Variants in MLLT10 observed in about 807,000 individuals in gnomAD.
MLLT10 encodes the protein protein AF-10.
Under a neutral mutation model 129.1 loss-of-function variants are expected in MLLT10, and 30 were observed. The observed-to-expected ratio is 0.23, with a 90% CI of 0.17 to 0.32. MLLT10 has a LOEUF of 0.32. MLLT10 is among the 10% of genes least tolerant of loss of function. The pLI, the probability that MLLT10 is intolerant of heterozygous loss-of-function variation, is 1.00. For missense variants in MLLT10, 1,119 were observed against 1,268.3 expected (o/e 0.88, Z 1.79); for synonymous variants, 490 against 446.4 (o/e 1.10, Z -1.23).
intron 9 of MLLT10, 135 bp downstream of exon 9, chr10:21,651,903 CTTTTTT>C (rs775460288): frequency 7.3e-4 from 97 of 133,680 alleles, no homozygotes; most frequent in East Asian, 8.7e-4. Flanking sequence ...ATTCTCATTT[CTTTTTT>C]TTTTTTTTTT....
At chr10:21,730,063 T>G (rs181818141) in intron 16 of MLLT10, among the ~76,000 whole-genome samples, 2 of 151,226 alleles carry the variant, frequency 1.3e-5, no homozygotes, top group East Asian at 3.9e-4. Flanking sequence ...AGCCCAGGAG[T>G]TGGAGACTAA....
intron 9 of MLLT10, among the ~76,000 whole-genome samples, chr10:21,667,449 A>T (rs1589531644): frequency 7.3e-6 from 1 of 136,688 alleles, no homozygotes; most frequent in Non-Finnish European, 1.6e-5. Flanking sequence ...GTTTGTTTTG[A>T]TCCTCCCATT....
chr10:21,668,989 A>G (rs1246862845), intron 9 of MLLT10: 1 of 1,369,188 alleles, frequency 7.3e-7, no homozygotes, highest in Non-Finnish European at 9.6e-7. Context: ...AAAGTATTTG[A>G]AAAATGAGGT....
rs11461905 is a variant in MLLT10, at chr10:21,551,289, C to CTTT, written c.240+12402_240+12404dup. On this transcript the variant is annotated intron_variant, in intron 3 of 22. Transcript: ENST00000307729. ...GTGCCAAAAAGTACTCGGATTGTACCTTTTTTTTTTTTTTTTTTTTTTTTT... is the reference window on the plus strand; with the variant it reads ...GTGCCAAAAAGTACTCGGATTGTACCTTTTTTTTTTTTTTTTTTTTTTTTTTTT... Among the ~76,000 whole-genome samples the CTTT allele has an allele frequency of 2.1e-3, 196 of 91,960 alleles. 9 individuals are homozygous for CTTT. The highest frequency in any genetic ancestry group is 9.7e-3 in the African/African-American group (175 of 18,040). The allele number at this position is 91,960 out of a possible 152,430, so 60.3% of individuals were successfully genotyped here.
intron 14 of MLLT10, among the ~76,000 whole-genome samples, chr10:21,721,968 G>T (rs2057165013): frequency 6.6e-6 from 1 of 151,670 alleles, no homozygotes; most frequent in South Asian, 2.1e-4. Context: ...TATTGGTCTT[G>T]GGAAAGGGGA....
intron 8 of MLLT10, among the ~76,000 whole-genome samples, chr10:21,641,621 C>T (rs1017775045): frequency 1.3e-5 from 2 of 152,164 alleles, no homozygotes; most frequent in African/African-American, 2.4e-5. Flanking sequence ...TACCACTGCA[C>T]TCCAGCCTGG....
Position 21,534,694 on chromosome 10 carries a change from G to A in MLLT10, c.50G>A (p.Ser17Asn), listed in dbSNP as rs754123246. Residue 17 changes from serine (S) to asparagine (N), a missense_variant, in exon 2 of 23, where the codon AGT (serine) becomes AAT (asparagine). Ser to Asn is a conservative substitution (Grantham distance 46). Around this residue, in one of 5 missense-constraint regions of MLLT10, gnomAD observed 35 missense variants for 26.0 expected, o/e 1.35. Transcript: ENST00000307729. ...TCACTGGAGGACGAGGTCTCCCATA[G>A]TATGAAGGAGATGATTGGAGGCTGT... ...PVSLEDEVSH[S>N]MKEMIGGCCV... The A allele has an allele frequency of 1.2e-6, 2 of 1,613,282 alleles. No homozygotes were observed. Among genetic ancestry groups the A allele is most frequent in the South Asian group, 1.1e-5 (1 of 91,002 alleles).
chr10:21,622,153 C>CTTTTTTTTTTTTTTT (rs71393915), intron 8 of MLLT10, among the ~76,000 whole-genome samples: 1 of 99,816 alleles, frequency 1.0e-5, no homozygotes, highest in Non-Finnish European at 1.9e-5. Context: ...TTTGTTTTTC[C>CTTTTTTTTTTTTTTT]TTTTTTTTTT....
At chr10:21,703,388 T>G (rs978815175) in intron 13 of MLLT10, among the ~76,000 whole-genome samples, 1 of 152,130 alleles carries the variant, frequency 6.6e-6, no homozygotes, top group African/African-American at 2.4e-5. Flanking sequence ...GGGGGGTCTT[T>G]TATAGGTGAC....
At chr10:21,602,287 C>T (rs2043611414) in intron 5 of MLLT10, among the ~76,000 whole-genome samples, 1 of 152,148 alleles carries the variant, frequency 6.6e-6, no homozygotes, top group Non-Finnish European at 1.5e-5. Context: ...TACAAAATTC[C>T]AGGATACACA....
intron 8 of MLLT10, among the ~76,000 whole-genome samples, chr10:21,637,331 G>A (rs187804740): frequency 1.3e-5 from 2 of 152,232 alleles, no homozygotes; most frequent in Non-Finnish European, 2.9e-5. Context: ...AAAGCAGAAC[G>A]TTGAAGTGAG....
chr10:21,536,553 G>A (rs1564360021), intron 2 of MLLT10, among the ~76,000 whole-genome samples: 1 of 152,144 alleles, frequency 6.6e-6, no homozygotes. Flanking sequence ...GACGGATAGA[G>A]CATTTATAGT....
At position 21,679,499 on chromosome 10, in the gene MLLT10, G is replaced by T. The variant is rs551478043; in HGVS notation, c.1622-1833G>T. Reference sequence around the variant, plus strand: ...TGATATTCATTAACCCATTTATGCTGGAGGTTGCGCTTTTTTGTGTGTGAA... The same window carrying T: ...TGATATTCATTAACCCATTTATGCTTGAGGTTGCGCTTTTTTGTGTGTGAA... On this transcript the variant is annotated intron_variant, in intron 11 of 22. Coordinates refer to ENST00000307729, the MANE Select transcript of MLLT10 (RefSeq NM_001195626.3). Among the ~76,000 whole-genome samples the T allele has an allele frequency of 5.3e-5, 8 of 152,272 alleles. No individual in the cohort carries two copies. The South Asian group carries it at 1.7e-3, about 32-fold the overall frequency.
chr10:21,735,103 G>A (rs1189300461), intron 20 of MLLT10, 36 bp from the exon 21 acceptor site: 1 of 1,456,754 alleles, frequency 6.9e-7, no homozygotes. Flanking sequence ...CATTAGAGGT[G>A]TGTAGTAAAA....
chr10:21,629,292 T>C (rs920846636), intron 8 of MLLT10, among the ~76,000 whole-genome samples: 6 of 152,310 alleles, frequency 3.9e-5, no homozygotes, highest in African/African-American at 1.4e-4. Context: ...TTTTAATTTA[T>C]TTGTCTTTTT....
intron 13 of MLLT10, among the ~76,000 whole-genome samples, chr10:21,686,412 CTTCAATT>C (rs1390533654): frequency 6.6e-6 from 1 of 151,782 alleles, no homozygotes; most frequent in African/African-American, 2.4e-5. Context: ...AATATTATTT[CTTCAATT>C]TTTAAATTTC....
chr10:21,573,503 A>G (rs1479958090), intron 3 of MLLT10, among the ~76,000 whole-genome samples: 1 of 152,180 alleles, frequency 6.6e-6, no homozygotes, highest in Non-Finnish European at 1.5e-5. Flanking sequence ...ATCTATTGAG[A>G]TAATGCTATG....
intron 6 of MLLT10, 109 bp downstream of exon 6, chr10:21,612,560 G>A: frequency 9.0e-6 from 5 of 552,950 alleles, no homozygotes; most frequent in African/African-American, 1.9e-5. Flanking sequence ...AAACTTTATT[G>A]GTATAGTTTC....
intron 5 of MLLT10, among the ~76,000 whole-genome samples, chr10:21,611,401 T>G (rs2044642849): frequency 6.6e-6 from 1 of 152,054 alleles, no homozygotes; most frequent in Admixed American, 6.5e-5. Flanking sequence ...TATTGTTGCA[T>G]GGTGTTATTT....
Sources: allele counts gnomAD v4.1 joint callset (sites outside exome capture counted in the v4.1 genomes callset), GRCh38; gene constraint gnomAD v4.1.1; regional missense constraint gnomAD v4.1.1; transcripts MANE v1.5; gene names NCBI Gene and HGNC (gene_info 2026-07-23, HGNC 2026-07-21).